Variants in CLSTN1 observed in about 807,000 individuals in gnomAD.
CLSTN1 encodes the protein calsyntenin-1.
Under a neutral mutation model 108.3 loss-of-function variants are expected in CLSTN1, and 28 were observed. That is an observed-to-expected ratio of 0.26 (90% confidence interval 0.19 to 0.35). The LOEUF is 0.35. Ranked by LOEUF, CLSTN1 falls within the 10% of genes least tolerant of loss-of-function variation. The pLI, the probability that CLSTN1 is intolerant of heterozygous loss-of-function variation, is 1.00. For synonymous variants in CLSTN1, 524 were observed against 534.9 expected, an observed-to-expected ratio of 0.98 and a Z score of 0.28; for missense variants, 1,157 against 1,302.6, an observed-to-expected ratio of 0.89 and a Z score of 1.72.
chr1:9,773,161 C>T lies in CLSTN1; in HGVS notation c.214+111G>A, dbSNP rs573077862. The T allele has an allele frequency of 3.5e-6, 5 of 1,437,290 alleles. No individual in the cohort carries two copies. The East Asian group carries it at 9.7e-5, about 28-fold the overall frequency. 89.0% of individuals were successfully genotyped at this position (1,437,290 alleles called of 1,614,324 possible). On this transcript the variant is annotated intron_variant, in intron 2 of 18. Coordinates refer to ENST00000377298, the MANE Select transcript of CLSTN1 (RefSeq NM_001009566.3). ...GCTACAAAGGACGCTACAAATAACC[C>T]TCAGCTATGGAGACATTTTCAGAAA...
chr1:9,794,804 A>G (rs546478303), intron 1 of CLSTN1, among the ~76,000 whole-genome samples: 5 of 151,538 alleles, frequency 3.3e-5, no homozygotes, highest in Non-Finnish European at 7.4e-5. Flanking sequence ...TAATCAAAAC[A>G]TAACAGACCA....
At position 9,729,358 on chromosome 1, in the gene CLSTN1, C is replaced by G. The variant is rs1277368469; in HGVS notation, c.*1150G>C. 1.3e-5 allele frequency: 2 copies of G among 152,462 alleles called. No homozygotes were observed. Among genetic ancestry groups the G allele is most frequent in the Admixed American group, 1.3e-4 (2 of 15,278 alleles). 9.4% of individuals were successfully genotyped at this position (152,462 alleles called of 1,614,324 possible). ...CATGACTGTTTGTTTGCTCTCCTGC[C>G]CTACCACCAAGCAAAGCAGCAGGGC... On this transcript the variant is annotated 3_prime_UTR_variant, in exon 19 of 19. Coordinates refer to ENST00000377298, the MANE Select transcript of CLSTN1 (RefSeq NM_001009566.3).
At chr1:9,783,572 T>C (rs1484901996) in intron 1 of CLSTN1, among the ~76,000 whole-genome samples, 1 of 149,678 alleles carries the variant, frequency 6.7e-6, no homozygotes, top group Non-Finnish European at 1.5e-5. Flanking sequence ...ACACAAAAAT[T>C]AGGCCAGGCA....
At chr1:9,752,627 C>G (rs1651606612) in intron 4 of CLSTN1, among the ~76,000 whole-genome samples, 1 of 152,104 alleles carries the variant, frequency 6.6e-6, no homozygotes, top group Non-Finnish European at 1.5e-5. Flanking sequence ...CTTTGGGAGG[C>G]TGAGGCAGGA....
intron 5 of CLSTN1, 76 bp from the exon 6 acceptor site, chr1:9,749,989 A>C: frequency 8.1e-7 from 1 of 1,233,166 alleles, no homozygotes; most frequent in Admixed American, 1.9e-5. Flanking sequence ...GCGGAAAGAC[A>C]AAATGCATAG....
chr1:9,744,672 T>C lies in CLSTN1; in HGVS notation c.986-29A>G, dbSNP rs77387610. On this transcript the variant is annotated intron_variant, in intron 7 of 18. Coordinates refer to ENST00000377298, the MANE Select transcript of CLSTN1 (RefSeq NM_001009566.3). ...AAGCCACAGTGCTCGGTGAAACTCA[T>C]GTGAGGAGCCAGAGGTCCCGCGCAC... 6,920 of 1,587,134 alleles carry C rather than the reference T, an allele frequency of 4.4e-3. 119 individuals carry two copies. In the East Asian group the frequency reaches 0.047, roughly 11 times the overall value.
At chr1:9,817,975 T>C (rs1655041086) in intron 1 of CLSTN1, among the ~76,000 whole-genome samples, 1 of 149,226 alleles carries the variant, frequency 6.7e-6, no homozygotes, top group Non-Finnish European at 1.5e-5. Context: ...AGCCTCAAAA[T>C]GTCACTTTTG....
intron 2 of CLSTN1, among the ~76,000 whole-genome samples, chr1:9,767,209 C>A (rs1652380248): frequency 6.6e-6 from 1 of 152,204 alleles, no homozygotes; most frequent in Admixed American, 6.5e-5. Context: ...TGGTTCCTCA[C>A]CTGGAGAACA....
intron 1 of CLSTN1, among the ~76,000 whole-genome samples, chr1:9,788,997 T>C (rs937547741): frequency 2.0e-5 from 3 of 151,342 alleles, no homozygotes; most frequent in African/African-American, 7.2e-5. Context: ...CCCCCTGCTG[T>C]GGCATGCGTT....
At chr1:9,810,168 A>C (rs1260495734) in intron 1 of CLSTN1, among the ~76,000 whole-genome samples, 1 of 21,904 alleles carries the variant, frequency 4.6e-5, no homozygotes, top group Non-Finnish European at 8.9e-5. Flanking sequence ...GGAGGAAGGG[A>C]GGGAAGGCAG....
intron 2 of CLSTN1, among the ~76,000 whole-genome samples, chr1:9,771,866 T>G (rs1314967312): frequency 2.6e-5 from 4 of 152,186 alleles, no homozygotes; most frequent in Non-Finnish European, 5.9e-5. Context: ...TTTCAAATAG[T>G]TCTTCAGAAA....
In CLSTN1 at chr1:9,730,800, T is replaced by C; in HGVS notation, c.2749-95A>G. 8.2e-7 allele frequency: 1 copy of C among 1,215,266 alleles called. No homozygotes were observed. The highest frequency in any genetic ancestry group is 1.2e-6 in the Non-Finnish European group (1 of 858,822). 75.3% of individuals were successfully genotyped at this position (1,215,266 alleles called of 1,614,324 possible). On this transcript the variant is annotated intron_variant, in intron 18 of 18. Coordinates refer to ENST00000377298, the MANE Select transcript of CLSTN1 (RefSeq NM_001009566.3). This position sits in a 1 kb window ranked among gnomAD's most constrained non-coding sequence, Gnocchi z 5.6. Reference sequence around the variant, plus strand: ...TCGACAGCCACAGAGGAAGGAGAACTTGCCCCAGCGTCTCCCTCCCCAGCG... The same window carrying C: ...TCGACAGCCACAGAGGAAGGAGAACCTGCCCCAGCGTCTCCCTCCCCAGCG...
chr1:9,731,734 C>T (rs374950625), intron 17 of CLSTN1, 27 bp downstream of exon 17: 33 of 1,613,640 alleles, frequency 2.0e-5, no homozygotes, highest in South Asian at 1.1e-4. Flanking sequence ...GGAGCATCTC[C>T]GCTTGGTCTC....
intron 1 of CLSTN1, among the ~76,000 whole-genome samples, chr1:9,797,050 G>A (rs1179706045): frequency 6.6e-6 from 1 of 152,170 alleles, no homozygotes; most frequent in East Asian, 1.9e-4. Context: ...TTGGGGGTTG[G>A]AGTTAAATAA....
At chr1:9,814,596 C>A (rs1654897176) in intron 1 of CLSTN1, among the ~76,000 whole-genome samples, 1 of 152,112 alleles carries the variant, frequency 6.6e-6, no homozygotes, top group South Asian at 2.1e-4. Flanking sequence ...AGCCAACTAG[C>A]ATAACAAAAA....
intron 10 of CLSTN1, 51 bp downstream of exon 10, chr1:9,741,041 TAA>T: frequency 6.3e-7 from 1 of 1,579,340 alleles, no homozygotes; most frequent in Non-Finnish European, 8.7e-7. Flanking sequence ...ACCAACCTAG[TAA>T]AGAGGTACAA....
chr1:9,822,434 T>C (rs1655222405), intron 1 of CLSTN1, among the ~76,000 whole-genome samples: 1 of 152,190 alleles, frequency 6.6e-6, no homozygotes, highest in Non-Finnish European at 1.5e-5. Flanking sequence ...TCTCTCCTTA[T>C]GTCACGCCAG....
chr1:9,780,705 A>C lies in CLSTN1; in HGVS notation c.92-7311T>G, dbSNP rs141467397. The C allele has an allele frequency of 4.2e-3, 640 of 153,030 alleles. 11 individuals are homozygous for C. The East Asian group carries it at 0.042, about 10-fold the overall frequency. 9.5% of individuals were successfully genotyped at this position (153,030 alleles called of 1,614,324 possible). A position where few individuals can be genotyped will look rare whatever the true frequency, so the allele number is the denominator to read the frequency against. On this transcript the variant is annotated intron_variant, in intron 1 of 18. Coordinates refer to ENST00000377298, the MANE Select transcript of CLSTN1 (RefSeq NM_001009566.3). ...GATGTTTCTGTCATCATCACAAAAA[A>C]ATGGCAAAGACAAGAGACTACTGGC...
intron 16 of CLSTN1, 39 bp downstream of exon 16, chr1:9,733,362 G>A: frequency 6.2e-7 from 1 of 1,611,302 alleles, no homozygotes; most frequent in East Asian, 2.2e-5. Flanking sequence ...CTCACTCACT[G>A]CTGCTATTGG....
Sources: allele counts gnomAD v4.1 joint callset (sites outside exome capture counted in the v4.1 genomes callset), GRCh38; gene constraint gnomAD v4.1.1; non-coding constraint Gnocchi (gnomAD v3.1); transcripts MANE v1.5; gene names NCBI Gene and HGNC (gene_info 2026-07-23, HGNC 2026-07-21).